The following TRMT2B variants were observed in gnomAD, a reference collection of about 807,000 sequenced individuals.
TRMT2B encodes tRNA (uracil-5-)-methyltransferase homolog B.
Under a neutral mutation model 39.7 loss-of-function variants are expected in TRMT2B, and 34 were observed. The ratio of observed to expected loss-of-function variants is 0.86; its 90% CI spans 0.65 to 1.14. TRMT2B has a LOEUF of 1.14. Among genes scored for constraint, TRMT2B ranks in the 50% most tolerant of loss-of-function variants. TRMT2B has a pLI of 0.00. For synonymous variants in TRMT2B, 132 were observed against 137.3 expected, an observed-to-expected ratio of 0.96 and a Z score of 0.27; for missense variants, 318 against 377.2, an observed-to-expected ratio of 0.84 and a Z score of 1.30.
Position 101,042,073 on chromosome X carries a change from G to A in TRMT2B, c.217C>T (p.Leu73Phe). 1.7e-6 allele frequency: 2 copies of A among 1,212,051 alleles called. No individual in the cohort carries two copies. Among genetic ancestry groups the A allele is most frequent in the Non-Finnish European group, 2.2e-6 (2 of 895,545 alleles). ...TGCCAGGAACCATCTAGTGGTCCAA[G>A]ATGGCTTGGTTTCTTCTGACTTTTT... The part of the protein sequence containing the change: ...GQKSQKKPSH[L>F]GPLDGSWQER... Residue 73 changes from leucine to phenylalanine, a missense_variant, in exon 3 of 14, where the codon CTT (leucine) becomes TTT (phenylalanine). Transcript: ENST00000372936.
At chrX:100,981,203 A>G in the TRMT2B span, among the ~76,000 whole-genome samples, 1 of 111,795 alleles carries the variant, frequency 8.9e-6, no homozygotes, top group African/African-American at 3.3e-5. Context: ...ACCCCAGAGC[A>G]CTTCAGGCCA....
At chrX:100,990,810 A>G in the TRMT2B span, 2 of 374,555 alleles carry the variant, frequency 5.3e-6, no homozygotes, top group South Asian at 9.9e-5. Flanking sequence ...GGCAAAAATA[A>G]ATAGAACTTC....
At chrX:101,011,330 C>A (rs1201904887) in intron 13 of TRMT2B, among the ~76,000 whole-genome samples, 1 of 111,762 alleles carries the variant, frequency 8.9e-6, no homozygotes, top group Non-Finnish European at 1.9e-5. Context: ...AACTGTAACA[C>A]AGTGGTAAGT....
chrX:100,986,703 T>G, the TRMT2B span: 1 of 520,192 alleles, frequency 1.9e-6, no homozygotes, highest in Non-Finnish European at 3.2e-6. Flanking sequence ...GTAGAATTTG[T>G]TCTCCTCCTC....
intron 2 of TRMT2B, among the ~76,000 whole-genome samples, chrX:101,046,145 C>CAAA (rs10659413): frequency 5.3e-5 from 3 of 56,874 alleles, no homozygotes; most frequent in African/African-American, 1.3e-4. Flanking sequence ...GACTCAGTCT[C>CAAA]AAAAAAAAAA....
At chrX:100,983,274 T>A in the TRMT2B span, among the ~76,000 whole-genome samples, 4 of 110,866 alleles carry the variant, frequency 3.6e-5, no homozygotes, top group African/African-American at 1.3e-4. Flanking sequence ...AGGAAAAAAA[T>A]TTTTTTCTCT....
intron 4 of TRMT2B, among the ~76,000 whole-genome samples, chrX:101,041,048 A>G (rs1283512638): frequency 9.0e-6 from 1 of 110,813 alleles, no homozygotes; most frequent in African/African-American, 3.3e-5. Context: ...TACTAAAAAT[A>G]GAAAAATTAG....
At chrX:101,012,711 A>G (rs2086317551) in intron 13 of TRMT2B, among the ~76,000 whole-genome samples, 1 of 111,234 alleles carries the variant, frequency 9.0e-6, no homozygotes, top group South Asian at 3.8e-4. Context: ...TCCAACAATG[A>G]TAGACTGGAT....
chrX:100,984,045 C>T, the TRMT2B span, among the ~76,000 whole-genome samples: 23 of 110,653 alleles, frequency 2.1e-4, no homozygotes, highest in South Asian at 5.8e-3. Flanking sequence ...TAGGCTAGAA[C>T]GGTCAGTTCA....
intron 7 of TRMT2B, among the ~76,000 whole-genome samples, chrX:101,034,686 G>T (rs1229447604): frequency 9.0e-6 from 1 of 111,524 alleles, no homozygotes; most frequent in East Asian, 2.8e-4. Context: ...TCCAGTTAGT[G>T]GCTTAACTAC....
Position 101,010,459 on chromosome X carries a change from AC to A in TRMT2B, c.*121del. ...GAGGCCTAATAGATTCTTCCTATTC[AC>A]AAACCAAAGATTGGTTTCCACTGTA... On this transcript the variant is annotated 3_prime_UTR_variant, in exon 14 of 14. Transcript: ENST00000372936. 1.1e-6 allele frequency: 1 copy of A among 878,446 alleles called. No individual in the cohort carries two copies. Among genetic ancestry groups the A allele is most frequent in the Non-Finnish European group, 1.6e-6 (1 of 623,319 alleles). The allele number at this position is 878,446 out of a possible 1,213,427, so 72.4% of individuals were successfully genotyped here. A position where few individuals can be genotyped will look rare whatever the true frequency, so the allele number is the denominator to read the frequency against.
chrX:100,978,113 G>T, the TRMT2B span, among the ~76,000 whole-genome samples: 1 of 112,504 alleles, frequency 8.9e-6, no homozygotes, highest in Admixed American at 9.4e-5. Flanking sequence ...CTCAACAACA[G>T]TGTATGAGGG....
Position 101,037,956 on chromosome X carries a change from A to G in TRMT2B, c.399T>C (p.Ser133=), listed in dbSNP as rs147187263. 5.7e-4 allele frequency: 687 copies of G among 1,208,452 alleles called. No individual in the cohort carries two copies. The highest frequency in any genetic ancestry group is 7.4e-4 in the Non-Finnish European group (663 of 894,365). Residue 133 remains serine, a synonymous_variant, in exon 5 of 14, where the codon TCT becomes TCC. Transcript: ENST00000372936. Reference sequence around the variant, plus strand: ...GATGGAGAAGACAAGAGAGCCTCTCAGATTTGGGTACAGCCGTTGTCACAC... The same window carrying G: ...GATGGAGAAGACAAGAGAGCCTCTCGGATTTGGGTACAGCCGTTGTCACAC... ...GVSVTTAVPK[S]ERLSCLLHPI... is the part of the protein sequence containing the mutation.
chrX:101,027,676 G>A (rs1394523825), intron 7 of TRMT2B, among the ~76,000 whole-genome samples: 1 of 110,885 alleles, frequency 9.0e-6, no homozygotes, highest in East Asian at 2.8e-4. Flanking sequence ...CACTCCCTTG[G>A]TGATCTCTTG....
downstream of TRMT2B, among the ~76,000 whole-genome samples, chrX:101,004,554 T>C (rs2086088320): frequency 9.1e-6 from 1 of 110,429 alleles, no homozygotes; most frequent in Non-Finnish European, 1.9e-5. Flanking sequence ...CAGGCTAGAG[T>C]GCAATGGCAC....
intron 7 of TRMT2B, among the ~76,000 whole-genome samples, chrX:101,025,039 C>G (rs965004201): frequency 9.1e-6 from 1 of 110,281 alleles, no homozygotes; most frequent in African/African-American, 3.3e-5. Context: ...ACAGAGGATG[C>G]TATCAATTAT....
At chrX:101,020,654 T>G in intron 10 of TRMT2B, 66 bp from the exon 11 acceptor site, 1 of 886,178 alleles carries the variant, frequency 1.1e-6, no homozygotes, top group African/African-American at 2.0e-5. Context: ...TTGTTTGTTT[T>G]TTGTTTAGTT....
chrX:101,043,391 G>A lies in TRMT2B; in HGVS notation c.-23-1079C>T, dbSNP rs1449168936. On this transcript the variant is annotated intron_variant, in intron 2 of 13. Transcript: ENST00000372936. Reference sequence around the variant, plus strand: ...TCAAGACCAGCCTGGCCAACATGGTGAAACCCCGTCTCTACTAAAAATACA... The same window carrying A: ...TCAAGACCAGCCTGGCCAACATGGTAAAACCCCGTCTCTACTAAAAATACA... 3.6e-5 allele frequency among the ~76,000 whole-genome samples: 4 copies of A among 111,594 alleles called. No individual in the cohort carries two copies. In the Admixed American group the frequency reaches 3.8e-4, roughly 11 times the overall value.
chrX:101,036,603 T>G lies in TRMT2B; in HGVS notation c.538+371A>C, dbSNP rs191723278. On this transcript the variant is annotated intron_variant, in intron 6 of 13. Coordinates refer to ENST00000372936, the MANE Select transcript of TRMT2B (RefSeq NM_024917.6). ...ACCACAGAAATAATTTTCAGAGATA[T>G]GGGGATGTGAAATAGGAAGACAACT... Among the ~76,000 whole-genome samples, 987 of 110,558 alleles carry G rather than the reference T, an allele frequency of 8.9e-3. 9 individuals carry two copies. Among genetic ancestry groups the G allele is most frequent in the African/African-American group, 0.031 (928 of 30,413 alleles).
Sources: allele counts gnomAD v4.1 joint callset (sites outside exome capture counted in the v4.1 genomes callset), GRCh38; gene constraint gnomAD v4.1.1; transcripts MANE v1.5; gene names NCBI Gene and HGNC (gene_info 2026-07-23, HGNC 2026-07-21).